The following CFAP47 variants were observed in gnomAD, a reference collection of about 807,000 sequenced individuals.
CFAP47 encodes cilia- and flagella-associated protein 47.
Under a neutral mutation model 148.1 loss-of-function variants are expected in CFAP47, and 29 were observed. The observed-to-expected ratio is 0.20, with a 90% CI of 0.15 to 0.27. The LOEUF (loss-of-function observed/expected upper bound fraction) is 0.27, where lower values mean the gene tolerates loss of function less well. CFAP47 is among the 10% of genes least tolerant of loss of function. The pLI is 1.00. For synonymous variants in CFAP47, 664 were observed against 577.3 expected, an observed-to-expected ratio of 1.15 and a Z score of -2.15; for missense variants, 1,872 against 1,697.5, an observed-to-expected ratio of 1.10 and a Z score of -1.81.
chrX:35,945,871 C>CTTTTT (rs34966421), intron 3 of CFAP47, among the ~76,000 whole-genome samples: 5 of 87,706 alleles, frequency 5.7e-5, no homozygotes, highest in African/African-American at 8.7e-5. Flanking sequence ...TTCTCCTTCT[C>CTTTTT]TTTTTTTTTT....
chrX:36,163,937 T>C (rs1336682467), intron 39 of CFAP47, among the ~76,000 whole-genome samples: 1 of 112,341 alleles, frequency 8.9e-6, no homozygotes, highest in Non-Finnish European at 1.9e-5. Flanking sequence ...ATTTCTTTTT[T>C]ATTTCTTGCT....
At chrX:35,927,220 TTG>T (rs1240890240) in intron 2 of CFAP47, among the ~76,000 whole-genome samples, 1 of 111,166 alleles carries the variant, frequency 9.0e-6, no homozygotes, top group African/African-American at 3.3e-5. Flanking sequence ...CTCAATTATT[TTG>T]TTTCTTTGTG....
intron 46 of CFAP47, among the ~76,000 whole-genome samples, chrX:36,233,153 C>G (rs1940393642): frequency 9.0e-6 from 1 of 111,335 alleles, no homozygotes; most frequent in South Asian, 3.8e-4. Context: ...GAGCTGAGTT[C>G]AAGTCCTGGA....
At chrX:36,235,682 G>T (rs1555994308) in intron 46 of CFAP47, among the ~76,000 whole-genome samples, 2 of 112,290 alleles carry the variant, frequency 1.8e-5, no homozygotes, top group Admixed American at 1.9e-4. Flanking sequence ...ACCTCAGATG[G>T]AAATGCAGAA....
intron 33 of CFAP47, among the ~76,000 whole-genome samples, chrX:36,109,474 T>A (rs1938518390): frequency 9.1e-6 from 1 of 110,463 alleles, no homozygotes; most frequent in African/African-American, 3.3e-5. Flanking sequence ...TCGACTATAT[T>A]TTTTTATTTT....
intron 39 of CFAP47, among the ~76,000 whole-genome samples, chrX:36,176,525 A>T (rs1359290217): frequency 8.9e-6 from 1 of 112,592 alleles, no homozygotes; most frequent in Non-Finnish European, 1.9e-5. Context: ...TTGAGTCAGA[A>T]TCTGCATTTA....
chrX:35,961,002 C>A (rs918444584), intron 8 of CFAP47, among the ~76,000 whole-genome samples: 85 of 111,737 alleles, frequency 7.6e-4, no homozygotes, highest in African/African-American at 2.7e-3. Context: ...TTTTCATTGA[C>A]TGCCTTTATA....
At chrX:36,228,515 C>A (rs1191510765) in intron 45 of CFAP47, 113 bp from the exon 46 acceptor site, 4 of 452,142 alleles carry the variant, frequency 8.8e-6, no homozygotes, top group Non-Finnish European at 1.6e-5. Context: ...CCAGTGAAAC[C>A]TATTCTAGGT....
At chrX:36,269,101 G>A (rs967724503) in intron 49 of CFAP47, among the ~76,000 whole-genome samples, 2 of 111,817 alleles carry the variant, frequency 1.8e-5, no homozygotes, top group Admixed American at 9.5e-5. Context: ...TGTGAAAAGT[G>A]ATCTCCCTGT....
chrX:36,186,565 A>G (rs1939809327), intron 40 of CFAP47, among the ~76,000 whole-genome samples: 1 of 111,877 alleles, frequency 8.9e-6, no homozygotes, highest in Non-Finnish European at 1.9e-5. Context: ...TTTGGTTGAG[A>G]TACAGCCTTG....
At chrX:35,970,704 T>C (rs1936476133) in intron 10 of CFAP47, 64 bp from the exon 11 acceptor site, 19 of 910,820 alleles carry the variant, frequency 2.1e-5, no homozygotes, top group Non-Finnish European at 2.7e-5. Context: ...TAGGAGGCTG[T>C]CAGTAAATAC....
At chrX:36,350,458 G>A (rs1356297633) in intron 59 of CFAP47, among the ~76,000 whole-genome samples, 1 of 110,928 alleles carries the variant, frequency 9.0e-6, no homozygotes, top group Non-Finnish European at 1.9e-5. Context: ...GTCACTTTTA[G>A]TCATCCTTTT....
At position 36,096,394 on chromosome X, in the gene CFAP47, TG is replaced by T. The variant is rs368358938; in HGVS notation, c.4917-2398del. On this transcript the variant is annotated intron_variant, in intron 30 of 63. Transcript: ENST00000378653. ...GGTCTATAGTGCAGATGAAGTCTGA[TG>T]TTTTTTTCATTTTCTGTCTGGAATA... 5.2e-3 allele frequency among the ~76,000 whole-genome samples: 580 copies of T among 111,327 alleles called. 2 individuals carry two copies. Among genetic ancestry groups the T allele is most frequent in the African/African-American group, 0.018 (547 of 30,796 alleles).
intron 39 of CFAP47, among the ~76,000 whole-genome samples, chrX:36,171,130 T>C (rs1939570697): frequency 9.1e-6 from 1 of 109,853 alleles, no homozygotes; most frequent in South Asian, 4.0e-4. Context: ...CTTTGCCCAC[T>C]TTTTGATGGG....
In CFAP47 at chrX:35,951,838, A is replaced by C. The variant is rs1233284163; in HGVS notation, c.921A>C (p.Leu307Phe). The C allele has an allele frequency of 9.5e-6, 11 of 1,153,758 alleles. No individual in the cohort carries two copies. Among genetic ancestry groups the C allele is most frequent in the Non-Finnish European group, 1.0e-5 (9 of 875,013 alleles). ...TDIQQRTDIALNNLTYIRKIK... is the reference protein window; with the variant it reads ...TDIQQRTDIAFNNLTYIRKIK... ...TTCAACAAAGAACAGATATTGCTTT[A>C]AATAATCTCACCTACATAAGAAAAA... Residue 307 changes from leucine to phenylalanine, a missense_variant, in exon 6 of 64, where the codon TTA (leucine) becomes TTC (phenylalanine). Transcript: ENST00000378653.
chrX:36,098,812 T>A lies in CFAP47; in HGVS notation c.4936T>A (p.Ser1646Thr). ...DFLNAQGGCI[S>T]HVLPEFLLEP... is the part of the protein sequence containing the mutation. The stretch of plus-strand genomic sequence containing the variant: ...TTTTAGTGCTCAAGGAGGATGTATT[T>A]CACATGTCCTGCCAGAATTTTTGCT... The change falls in exon 31 of 64, where the codon TCA becomes ACA. Residue 1646 changes from serine to threonine, a missense_variant. By Grantham distance (58) the Ser-to-Thr change is moderately conservative. Coordinates refer to ENST00000378653, the MANE Select transcript of CFAP47 (RefSeq NM_001304548.2). The A allele has an allele frequency of 8.4e-7, 1 of 1,185,226 alleles. No homozygotes were observed.
intron 36 of CFAP47, among the ~76,000 whole-genome samples, chrX:36,147,504 G>T (rs1281015879): frequency 8.9e-6 from 1 of 112,265 alleles, no homozygotes; most frequent in Non-Finnish European, 1.9e-5. Flanking sequence ...AGCTCTCTGG[G>T]ACTTAAAATC....
Position 35,951,958 on chromosome X carries a change from C to T in CFAP47, c.1041C>T (p.Thr347=). 8.7e-7 allele frequency: 1 copy of T among 1,152,888 alleles called. No individual in the cohort carries two copies. ...AGACTGTAATTACATTTTGTTTCACCCCAAAGTAAGCAAAAATTAATTTCA... is the reference window on the plus strand; with the variant it reads ...AGACTGTAATTACATTTTGTTTCACTCCAAAGTAAGCAAAAATTAATTTCA... ...YQKTVITFCF[T]PKLMAVGKKD... Residue 347 remains threonine, a synonymous_variant, in exon 6 of 64, where the codon ACC becomes ACT. Coordinates refer to ENST00000378653, the MANE Select transcript of CFAP47 (RefSeq NM_001304548.2).
At chrX:36,258,240 C>T (rs376653645) in intron 49 of CFAP47, among the ~76,000 whole-genome samples, 41 of 111,716 alleles carry the variant, frequency 3.7e-4, no homozygotes, top group African/African-American at 1.3e-3. Flanking sequence ...GCTTTTAGTT[C>T]GCTTTTGTAA....
Sources: gnomAD v4.1 joint callset for allele counts (sites outside exome capture counted in the v4.1 genomes callset) on GRCh38, gnomAD v4.1.1 for gene constraint, MANE v1.5 for transcripts, NCBI Gene and HGNC (gene_info 2026-07-23, HGNC 2026-07-21) for gene names.